The following NYAP2 variants were observed in gnomAD, a reference collection of about 807,000 sequenced individuals.
NYAP2 encodes neuronal tyrosine-phosphorylated phosphoinositide-3-kinase adaptor 2.
In NYAP2, 23 loss-of-function variants were observed where a neutral mutation model predicts 50.4. The observed-to-expected ratio is 0.46, with a 90% CI of 0.33 to 0.65. NYAP2 has a LOEUF of 0.65. NYAP2 is among the 30% of genes least tolerant of loss of function. NYAP2 has a pLI of 0.02. For synonymous variants in NYAP2, 394 were observed against 365.2 expected (o/e 1.08, Z -0.90); for missense variants, 885 against 861.0 (o/e 1.03, Z -0.35).
At chr2:225,570,774 G>A (rs1026941867) in intron 4 of NYAP2, among the ~76,000 whole-genome samples, 1 of 152,116 alleles carries the variant, frequency 6.6e-6, no homozygotes, top group Non-Finnish European at 1.5e-5. Context: ...ACATTTCAAT[G>A]CATAATCATG....
At chr2:225,440,724 T>C (rs1689455688) in intron 3 of NYAP2, among the ~76,000 whole-genome samples, 1 of 152,216 alleles carries the variant, frequency 6.6e-6, no homozygotes, top group Admixed American at 6.5e-5. Context: ...GCTATTGCTG[T>C]GTCCAAGGAA....
At chr2:225,545,572 A>G (rs1295778100) in intron 4 of NYAP2, among the ~76,000 whole-genome samples, 3 of 152,140 alleles carry the variant, frequency 2.0e-5, no homozygotes, top group African/African-American at 7.2e-5. Flanking sequence ...TGCATCTGAT[A>G]GAGTTCTGAA....
intron 3 of NYAP2, among the ~76,000 whole-genome samples, chr2:225,506,885 T>G (rs1690716852): frequency 6.6e-6 from 1 of 152,032 alleles, no homozygotes; most frequent in Non-Finnish European, 1.5e-5. Flanking sequence ...GAATGTGCCC[T>G]TTCCCTGATA....
At chr2:225,400,295 A>G (rs1355978796) in intron 1 of NYAP2, 40 bp downstream of exon 1, 5 of 147,548 alleles carry the variant, frequency 3.4e-5, no homozygotes, top group Non-Finnish European at 1.5e-5. Flanking sequence ...AATCAGCAGC[A>G]GCTTCAACAG....
chr2:225,422,099 G>A (rs376146437), intron 3 of NYAP2, among the ~76,000 whole-genome samples: 4 of 150,974 alleles, frequency 2.6e-5, no homozygotes, highest in African/African-American at 4.9e-5. Context: ...TGTTTGTTCT[G>A]TTCAGTTTGC....
At chr2:225,437,441 T>G (rs1559179418) in intron 3 of NYAP2, among the ~76,000 whole-genome samples, 1 of 152,154 alleles carries the variant, frequency 6.6e-6, no homozygotes, top group African/African-American at 2.4e-5. Flanking sequence ...CAAGTAAAAA[T>G]CATTTCATCT....
At chr2:225,544,580 A>G (rs1425117436) in intron 4 of NYAP2, among the ~76,000 whole-genome samples, 1 of 151,926 alleles carries the variant, frequency 6.6e-6, no homozygotes, top group South Asian at 2.1e-4. Context: ...TTACACTTTA[A>G]CTTCGTCTCC....
chr2:225,493,506 T>G (rs981363887), intron 3 of NYAP2, among the ~76,000 whole-genome samples: 3 of 152,190 alleles, frequency 2.0e-5, no homozygotes, highest in African/African-American at 7.2e-5. Context: ...ATTTCCATAG[T>G]TTCTCAAAAC....
intron 3 of NYAP2, among the ~76,000 whole-genome samples, chr2:225,438,157 A>T (rs758194483): frequency 3.9e-5 from 6 of 152,168 alleles, no homozygotes; most frequent in Non-Finnish European, 8.8e-5. Flanking sequence ...TGGATACTTT[A>T]TTCTGCTCTG....
chr2:225,646,126 G>A (rs1693631426), intron 6 of NYAP2, among the ~76,000 whole-genome samples: 1 of 152,178 alleles, frequency 6.6e-6, no homozygotes, highest in Non-Finnish European at 1.5e-5. Context: ...ATGCAACCTT[G>A]TAAGGATTTG....
At chr2:225,522,353 G>T (rs1050763999) in intron 4 of NYAP2, among the ~76,000 whole-genome samples, 1 of 151,920 alleles carries the variant, frequency 6.6e-6, no homozygotes, top group Admixed American at 6.6e-5. Flanking sequence ...CTTTTGATTG[G>T]GATAGTTCTC....
At chr2:225,437,862 T>C (rs1689406933) in intron 3 of NYAP2, among the ~76,000 whole-genome samples, 1 of 152,208 alleles carries the variant, frequency 6.6e-6, no homozygotes, top group African/African-American at 2.4e-5. Flanking sequence ...TATTCTATCA[T>C]CTCAATTCTC....
At chr2:225,696,373 G>A in the NYAP2 span, among the ~76,000 whole-genome samples, 3 of 151,916 alleles carry the variant, frequency 2.0e-5, no homozygotes, top group South Asian at 4.1e-4. Flanking sequence ...GTATTCATCA[G>A]TGTTAGAATA....
intron 5 of NYAP2, among the ~76,000 whole-genome samples, chr2:225,621,133 A>G (rs1051874126): frequency 2.9e-5 from 4 of 138,652 alleles, no homozygotes; most frequent in South Asian, 2.2e-4. Flanking sequence ...AAAAAAAAAA[A>G]TCTAGAAGAG....
chr2:225,563,391 G>A (rs1360582082), intron 4 of NYAP2, among the ~76,000 whole-genome samples: 10 of 152,148 alleles, frequency 6.6e-5, no homozygotes, highest in Admixed American at 5.2e-4. Context: ...AGAGCCTGGT[G>A]TTGGGAAATC....
the NYAP2 span, among the ~76,000 whole-genome samples, chr2:225,669,663 G>T: frequency 3.3e-5 from 5 of 151,960 alleles, no homozygotes; most frequent in African/African-American, 1.2e-4. Flanking sequence ...GAAAACCACT[G>T]GGAACTGCTA....
At chr2:225,658,901 C>T (rs938080757), downstream of NYAP2, among the ~76,000 whole-genome samples, 4 of 152,170 alleles carry the variant, frequency 2.6e-5, no homozygotes, top group African/African-American at 9.7e-5. Context: ...TTAGCCATTG[C>T]GTGCTTATTA....
chr2:225,561,891 A>T (rs566679843), intron 4 of NYAP2, among the ~76,000 whole-genome samples: 18 of 150,338 alleles, frequency 1.2e-4, no homozygotes, highest in Non-Finnish European at 1.5e-4. Context: ...GGGGCTATAT[A>T]TTTTTTTTTT....
At chr2:225,447,925 G>C (rs543968353) in intron 3 of NYAP2, among the ~76,000 whole-genome samples, 1 of 152,290 alleles carries the variant, frequency 6.6e-6, no homozygotes, top group Non-Finnish European at 1.5e-5. Flanking sequence ...GAATTTTCTT[G>C]ATGTTCTTGG....
Sources: allele counts gnomAD v4.1 joint callset (sites outside exome capture counted in the v4.1 genomes callset), GRCh38; gene constraint gnomAD v4.1.1; transcripts MANE v1.5; gene names NCBI Gene and HGNC (gene_info 2026-07-23, HGNC 2026-07-21).